The following ULK4 variants were observed in gnomAD, a reference collection of about 807,000 sequenced individuals.
ULK4 encodes inactive serine/threonine-protein kinase ULK4.
A neutral mutation model predicts 160.6 loss-of-function variants in ULK4; 133 were observed. The observed-to-expected ratio is 0.83, with a 90% CI of 0.72 to 0.96. ULK4 has a LOEUF of 0.96. Among genes scored for constraint, ULK4 ranks in the 40% least tolerant of loss-of-function variants. The probability of loss-of-function intolerance (pLI) is 0.00; values close to 1 mark genes in which losing one functional copy is unlikely to be tolerated. For synonymous variants in ULK4, 534 were observed against 539.8 expected (o/e 0.99, Z 0.15); for missense variants, 1,580 against 1,499.5 (o/e 1.05, Z -0.89).
intron 35 of ULK4, among the ~76,000 whole-genome samples, chr3:41,303,960 G>GT (rs1275852751): frequency 1.3e-5 from 2 of 152,128 alleles, no homozygotes; most frequent in African/African-American, 2.4e-5. Context: ...CATCACTATT[G>GT]TATTTGGATG....
chr3:41,851,267 T>C (rs1479457675), intron 17 of ULK4, among the ~76,000 whole-genome samples: 3 of 152,142 alleles, frequency 2.0e-5, no homozygotes, highest in African/African-American at 4.8e-5. Flanking sequence ...ACCTAATTTA[T>C]TGAGAGTTTT....
chr3:41,817,612 G>T (rs2041014339), intron 19 of ULK4, among the ~76,000 whole-genome samples: 1 of 152,074 alleles, frequency 6.6e-6, no homozygotes, highest in African/African-American at 2.4e-5. Flanking sequence ...AGACACTGGA[G>T]ACTTCTAGAG....
intron 34 of ULK4, among the ~76,000 whole-genome samples, chr3:41,453,071 G>A (rs1227375575): frequency 6.6e-6 from 1 of 152,186 alleles, no homozygotes; most frequent in African/African-American, 2.4e-5. Flanking sequence ...ATGGGCCTAT[G>A]TCATAAGGAA....
intron 30 of ULK4, among the ~76,000 whole-genome samples, chr3:41,623,399 CA>C (rs201366132): frequency 6.7e-6 from 1 of 148,902 alleles, no homozygotes; most frequent in Admixed American, 6.7e-5. Flanking sequence ...TGATGTCTAG[CA>C]AAAAAAAATG....
chr3:41,789,585 C>G, intron 21 of ULK4, 76 bp downstream of exon 21: 2 of 1,356,452 alleles, frequency 1.5e-6, no homozygotes, highest in Non-Finnish European at 2.0e-6. Flanking sequence ...ACAAACATGA[C>G]ATTACTTGTG....
At chr3:41,617,913 T>G (rs1386677233) in intron 30 of ULK4, among the ~76,000 whole-genome samples, 1 of 152,060 alleles carries the variant, frequency 6.6e-6, no homozygotes, top group Non-Finnish European at 1.5e-5. Context: ...AATAAGCAGT[T>G]TACAGAGAAA....
Position 41,398,792 on chromosome 3 carries a change from GTTTT to G in ULK4, c.3493-532_3493-529del, listed in dbSNP as rs200925869. Among the ~76,000 whole-genome samples the G allele has an allele frequency of 6.6e-5, 10 of 151,564 alleles. No homozygotes were observed. In the East Asian group the frequency reaches 7.7e-4, roughly 12 times the overall value. ...GGTCCTATATTCTTCTTTTTAAAAAGTTTTTTTTATTATTTTATTTTTATTGCCA... is the reference window on the plus strand; with the variant it reads ...GGTCCTATATTCTTCTTTTTAAAAAGTTTTATTATTTTATTTTTATTGCCA... On this transcript the variant is annotated intron_variant, in intron 34 of 36. Transcript: ENST00000301831.
At chr3:41,425,858 G>C (rs2082765764) in intron 34 of ULK4, among the ~76,000 whole-genome samples, 1 of 152,078 alleles carries the variant, frequency 6.6e-6, no homozygotes, top group African/African-American at 2.4e-5. Flanking sequence ...ACACTATGAA[G>C]CAACTACATT....
At chr3:41,669,541 A>G (rs1015315876) in intron 29 of ULK4, among the ~76,000 whole-genome samples, 5 of 152,200 alleles carry the variant, frequency 3.3e-5, no homozygotes, top group African/African-American at 1.2e-4. Flanking sequence ...TACAGGAGTG[A>G]GCCACTGTGC....
At position 41,405,042 on chromosome 3, in the gene ULK4, C is replaced by T. The variant is rs542918655; in HGVS notation, c.3493-6778G>A. ...TTTGTTACCTGGGTATATTGCATGACGCCAAGGTTTGGGGTATCATTGCTC... is the reference window on the plus strand; with the variant it reads ...TTTGTTACCTGGGTATATTGCATGATGCCAAGGTTTGGGGTATCATTGCTC... On this transcript the variant is annotated intron_variant, in intron 34 of 36. Transcript: ENST00000301831. 4.7e-4 allele frequency among the ~76,000 whole-genome samples: 72 copies of T among 152,212 alleles called. 1 individual carries two copies. The highest frequency in any genetic ancestry group is 6.8e-3 in the Middle Eastern group (2 of 294).
Position 41,626,398 on chromosome 3 carries a change from T to C in ULK4, c.3072-10681A>G, listed in dbSNP as rs118131913. ...ATTAGGATAATTATTTAGTTGAGAT[T>C]CATCTATGGAAGCTACAAGCACAAA... On this transcript the variant is annotated intron_variant, in intron 30 of 36. Coordinates refer to ENST00000301831, the MANE Select transcript of ULK4 (RefSeq NM_017886.4). Among the ~76,000 whole-genome samples, 544 of 152,312 alleles carry C rather than the reference T, an allele frequency of 3.6e-3. 4 individuals carry two copies. In the East Asian group the frequency reaches 0.041, roughly 11 times the overall value.
intron 35 of ULK4, among the ~76,000 whole-genome samples, chr3:41,387,284 A>T (rs751656388): frequency 1.3e-5 from 2 of 152,126 alleles, no homozygotes; most frequent in Non-Finnish European, 2.9e-5. Flanking sequence ...CTTTGAAACT[A>T]TTTTATTATT....
Position 41,246,800 on chromosome 3 carries a change from G to T in ULK4, c.*129C>A. 2 of 1,142,700 alleles carry T rather than the reference G, an allele frequency of 1.8e-6. No homozygotes were observed. The highest frequency in any genetic ancestry group is 5.2e-5 in the East Asian group (2 of 38,186). 70.8% of individuals were successfully genotyped at this position (1,142,700 alleles called of 1,614,324 possible). A position where few individuals can be genotyped will look rare whatever the true frequency, so the allele number is the denominator to read the frequency against. Reference sequence around the variant, plus strand: ...TGAGCACTTGGGCCACCAGGTTCTGGGTTAAGCTGACTTTATTAGGTCCAA... The same window carrying T: ...TGAGCACTTGGGCCACCAGGTTCTGTGTTAAGCTGACTTTATTAGGTCCAA... On this transcript the variant is annotated 3_prime_UTR_variant, in exon 37 of 37. Coordinates refer to ENST00000301831, the MANE Select transcript of ULK4 (RefSeq NM_017886.4).
chr3:41,931,296 A>T (rs546579531), intron 5 of ULK4, among the ~76,000 whole-genome samples: 5 of 152,172 alleles, frequency 3.3e-5, no homozygotes, highest in African/African-American at 1.2e-4. Flanking sequence ...ACACATGGAC[A>T]CAGGGAGGGG....
At chr3:41,589,658 A>T (rs201947370) in intron 31 of ULK4, among the ~76,000 whole-genome samples, 11 of 152,168 alleles carry the variant, frequency 7.2e-5, no homozygotes, top group Admixed American at 2.0e-4. Context: ...AATATGCCTT[A>T]AAAAAGCTTT....
At chr3:41,312,079 AC>A (rs2080062159) in intron 35 of ULK4, among the ~76,000 whole-genome samples, 1 of 148,652 alleles carries the variant, frequency 6.7e-6, no homozygotes, top group Non-Finnish European at 1.5e-5. Context: ...GCTCCAGCTA[AC>A]CTCCTGCCTC....
At chr3:41,353,112 A>G (rs1426501170) in intron 35 of ULK4, among the ~76,000 whole-genome samples, 1 of 152,188 alleles carries the variant, frequency 6.6e-6, no homozygotes, top group Non-Finnish European at 1.5e-5. Context: ...GGCCTGTTCC[A>G]GGATACTGTC....
intron 30 of ULK4, among the ~76,000 whole-genome samples, chr3:41,642,940 A>G (rs1219608825): frequency 1.3e-5 from 2 of 152,216 alleles, no homozygotes; most frequent in African/African-American, 4.8e-5. Flanking sequence ...TCTGATGGCC[A>G]GTGATGATGA....
At chr3:41,315,209 T>C (rs1330910956) in intron 35 of ULK4, among the ~76,000 whole-genome samples, 1 of 152,206 alleles carries the variant, frequency 6.6e-6, no homozygotes. Flanking sequence ...TATATTATTT[T>C]GGATGAAGTT....
Sources: gnomAD v4.1 joint callset for allele counts (sites outside exome capture counted in the v4.1 genomes callset) on GRCh38, gnomAD v4.1.1 for gene constraint, MANE v1.5 for transcripts, NCBI Gene and HGNC (gene_info 2026-07-23, HGNC 2026-07-21) for gene names.